EML4: variants seen among roughly 807,000 people sequenced by gnomAD.
EML4 encodes echinoderm microtubule-associated protein-like 4.
A neutral mutation model predicts 129.0 loss-of-function variants in EML4; 72 were observed. The ratio of observed to expected loss-of-function variants is 0.56; its 90% confidence interval spans 0.46 to 0.68. EML4 has a LOEUF of 0.68. Ranked by LOEUF, EML4 falls within the 30% of genes least tolerant of loss-of-function variation. EML4 has a pLI of 0.00. For missense variants in EML4, 1,363 were observed against 1,190.6 expected (o/e 1.14, Z -2.13); for synonymous variants, 532 against 405.0 (o/e 1.31, Z -3.77).
intron 1 of EML4, among the ~76,000 whole-genome samples, chr2:42,196,258 A>G (rs1379476451): frequency 1.3e-5 from 2 of 152,178 alleles, no homozygotes. Flanking sequence ...AAAAATATTT[A>G]CCTTGCAAGA....
At chr2:42,283,476 A>C (rs1013624862) in intron 8 of EML4, among the ~76,000 whole-genome samples, 24 of 152,126 alleles carry the variant, frequency 1.6e-4, no homozygotes, top group African/African-American at 5.5e-4. Flanking sequence ...TTATTTTGTT[A>C]CTTTTTAGTT....
chr2:42,328,920 C>G lies in EML4; in HGVS notation c.2376C>G (p.Ile792Met), dbSNP rs1326835562. The G allele has an allele frequency of 2.5e-6, 4 of 1,613,232 alleles. No individual in the cohort carries two copies. Among genetic ancestry groups the G allele is most frequent in the Non-Finnish European group, 2.5e-6 (3 of 1,179,564 alleles). Reference protein sequence around the residue: ...VWPEGSDGTDINALVRSHNRK... With the variant: ...VWPEGSDGTDMNALVRSHNRK... Reference sequence around the variant, plus strand: ...CAGAAGGATCTGATGGGACAGATATCAATGCACTGGTGCGATCCCACAATA... The same window carrying G: ...CAGAAGGATCTGATGGGACAGATATGAATGCACTGGTGCGATCCCACAATA... The change falls in exon 22 of 23, where the codon ATC becomes ATG. Residue 792 changes from isoleucine to methionine, a missense_variant. Ile to Met is a conservative substitution (Grantham distance 10). Coordinates refer to ENST00000318522, the MANE Select transcript of EML4 (RefSeq NM_019063.5).
chr2:42,184,716 G>T (rs1671146649), intron 1 of EML4, among the ~76,000 whole-genome samples: 1 of 151,998 alleles, frequency 6.6e-6, no homozygotes, highest in African/African-American at 2.4e-5. Flanking sequence ...AATCCACAGG[G>T]ATTTTCTGTC....
Position 42,284,679 on chromosome 2 carries a change from A to C in EML4, c.987A>C (p.Ile329=). 6.2e-7 allele frequency: 1 copy of C among 1,612,950 alleles called. No individual in the cohort carries two copies. Among genetic ancestry groups the C allele is most frequent in the Non-Finnish European group, 8.5e-7 (1 of 1,179,456 alleles). ...PDKIRIATGQ[I]AGVDKDGRPL... ...AAATTAGGATTGCAACTGGACAGAT[A>C]GCTGGCGTGGATAAAGATGGAAGGG... Residue 329 remains isoleucine, a synonymous_variant, in exon 9 of 23, where the codon ATA becomes ATC. Transcript: ENST00000318522.
chr2:42,303,260 A>G (rs1163681079), intron 15 of EML4, 31 bp downstream of exon 15: 2 of 1,613,962 alleles, frequency 1.2e-6, no homozygotes, highest in Non-Finnish European at 1.7e-6. Context: ...CGTTAACTGA[A>G]TATTTTTTAT....
intron 1 of EML4, among the ~76,000 whole-genome samples, chr2:42,211,574 T>C (rs1364486722): frequency 5.3e-5 from 8 of 152,244 alleles, no homozygotes; most frequent in Admixed American, 5.2e-4. Context: ...TGGTCATTTC[T>C]AATTATGAAA....
At chr2:42,191,212 G>A (rs1377526149) in intron 1 of EML4, among the ~76,000 whole-genome samples, 1 of 152,054 alleles carries the variant, frequency 6.6e-6, no homozygotes, top group Admixed American at 6.6e-5. Context: ...TGTGTGTCAT[G>A]CTTAATATAA....
rs541702792 is a variant in EML4 at position 42,327,452 on chromosome 2, C to G, written c.2341+1200C>G. Among the ~76,000 whole-genome samples the G allele has an allele frequency of 1.6e-3, 248 of 152,348 alleles. 1 individual carries two copies. Among genetic ancestry groups the G allele is most frequent in the African/African-American group, 5.8e-3 (240 of 41,588 alleles). On this transcript the variant is annotated intron_variant, in intron 21 of 22. Transcript: ENST00000318522. ...TTCCACAGTGACTACATTTACATTT[C>G]CACCAGCAGTGTACGAGGGTTCTGG...
chr2:42,195,663 A>C (rs1487372550), intron 1 of EML4, among the ~76,000 whole-genome samples: 2 of 152,204 alleles, frequency 1.3e-5, no homozygotes, highest in Non-Finnish European at 2.9e-5. Flanking sequence ...AAGAGGCTGA[A>C]TTTGAATTAT....
At chr2:42,225,526 T>G (rs1673903555) in intron 1 of EML4, among the ~76,000 whole-genome samples, 2 of 152,306 alleles carry the variant, frequency 1.3e-5, no homozygotes, top group South Asian at 4.1e-4. Flanking sequence ...TCTTGCTGAA[T>G]TATTCTCCAG....
chr2:42,247,878 T>A (rs1316188971), intron 2 of EML4, among the ~76,000 whole-genome samples: 1 of 152,164 alleles, frequency 6.6e-6, no homozygotes, highest in Non-Finnish European at 1.5e-5. Context: ...CTATATATAA[T>A]ATACAGACTC....
At chr2:42,204,632 C>A (rs1255706279) in intron 1 of EML4, among the ~76,000 whole-genome samples, 1 of 152,154 alleles carries the variant, frequency 6.6e-6, no homozygotes, top group South Asian at 2.1e-4. Context: ...TGTAAAAAAT[C>A]ATTCTTAGTT....
At chr2:42,251,347 C>A (rs1675755056) in intron 2 of EML4, among the ~76,000 whole-genome samples, 1 of 152,202 alleles carries the variant, frequency 6.6e-6, no homozygotes, top group Admixed American at 6.5e-5. Context: ...AGACATTATG[C>A]AGTGCATGAC....
chr2:42,212,904 G>C (rs1284370137), intron 1 of EML4, among the ~76,000 whole-genome samples: 2 of 152,158 alleles, frequency 1.3e-5, no homozygotes, highest in African/African-American at 4.8e-5. Context: ...CTGTATTCCA[G>C]TCCTGGCTGT....
intron 1 of EML4, among the ~76,000 whole-genome samples, chr2:42,243,317 A>G (rs1270754359): frequency 6.6e-6 from 1 of 151,840 alleles, no homozygotes; most frequent in African/African-American, 2.4e-5. Flanking sequence ...CTTACAAAGA[A>G]TATAGATCAG....
At chr2:42,220,550 C>T (rs1029736189) in intron 1 of EML4, among the ~76,000 whole-genome samples, 2 of 152,128 alleles carry the variant, frequency 1.3e-5, no homozygotes, top group African/African-American at 4.8e-5. Flanking sequence ...CTCTCCCTCT[C>T]CTCAGGCCTC....
intron 18 of EML4, among the ~76,000 whole-genome samples, chr2:42,316,631 C>T (rs1010863847): frequency 3.3e-5 from 5 of 152,074 alleles, no homozygotes; most frequent in African/African-American, 1.2e-4. Flanking sequence ...CTCCAGTTAC[C>T]TTTTCTTGTT....
rs1185074987 is a variant in EML4 at position 42,169,417 on chromosome 2, C to G, written c.-195C>G. On this transcript the variant is annotated 5_prime_UTR_variant, in exon 1 of 23. Transcript: ENST00000318522. ...GGCGGCTGAGCGGCGCGGCTCTCAA[C>G]GTGACGGGGAAGTGGTTCGGGCGGC... is the stretch of plus-strand genomic sequence containing the variant. 3 of 486,068 alleles carry G rather than the reference C, an allele frequency of 6.2e-6. No individual in the cohort carries two copies. Among genetic ancestry groups the G allele is most frequent in the Non-Finnish European group, 1.1e-5 (3 of 279,856 alleles). 30.1% of individuals were successfully genotyped at this position (486,068 alleles called of 1,614,324 possible). A position where few individuals can be genotyped will look rare whatever the true frequency, so the allele number is the denominator to read the frequency against.
intron 1 of EML4, among the ~76,000 whole-genome samples, chr2:42,198,790 A>T (rs1250008758): frequency 1.3e-5 from 2 of 152,126 alleles, no homozygotes. Context: ...GGGTTTGATG[A>T]CCATGGGTTT....
Sources: gnomAD v4.1 joint callset for allele counts (sites outside exome capture counted in the v4.1 genomes callset) on GRCh38, gnomAD v4.1.1 for gene constraint, MANE v1.5 for transcripts, NCBI Gene and HGNC (gene_info 2026-07-23, HGNC 2026-07-21) for gene names.